Variants in ABLIM1 observed in about 807,000 individuals in gnomAD.
ABLIM1 encodes the protein actin binding LIM protein 1, also known as actin-binding LIM protein 1.
Under a neutral mutation model 107.0 loss-of-function variants are expected in ABLIM1, and 40 were observed. The observed-to-expected ratio is 0.37, with a 90% confidence interval of 0.29 to 0.49. The LOEUF is 0.49. Ranked by LOEUF, ABLIM1 falls within the 20% of genes least tolerant of loss-of-function variation. The pLI is 0.97. For synonymous variants in ABLIM1, 357 were observed against 357.3 expected (o/e 1.00, Z 0.01); for missense variants, 857 against 1,008.5 (o/e 0.85, Z 2.04).
chr10:114,711,907 G>A (rs1041299299), intron 1 of ABLIM1, among the ~76,000 whole-genome samples: 1 of 152,168 alleles, frequency 6.6e-6, no homozygotes, highest in Non-Finnish European at 1.5e-5. Context: ...TGAAGCAGAA[G>A]TCAAGGGAGC....
the ABLIM1 span, among the ~76,000 whole-genome samples, chr10:114,789,125 C>A: frequency 6.6e-6 from 1 of 151,460 alleles, no homozygotes; most frequent in Non-Finnish European, 1.5e-5. Flanking sequence ...AGTGATGGCA[C>A]GTGCCTGTAG....
At chr10:114,613,262 T>G (rs4752031) in intron 1 of ABLIM1, among the ~76,000 whole-genome samples, 13,117 of 152,268 alleles carry the variant, frequency 0.086, 712 homozygotes, top group Middle Eastern at 0.12. Context: ...TCGAAAATCT[T>G]GAGGGGGTTT....
chr10:114,599,639 T>C (rs1294043528), intron 2 of ABLIM1, among the ~76,000 whole-genome samples: 1 of 151,306 alleles, frequency 6.6e-6, no homozygotes, highest in Non-Finnish European at 1.5e-5. Flanking sequence ...ACACAAAAAT[T>C]AGCTGGGCAC....
At chr10:114,685,823 T>C (rs985476050), upstream of ABLIM1, among the ~76,000 whole-genome samples, 5 of 152,232 alleles carry the variant, frequency 3.3e-5, no homozygotes, top group African/African-American at 1.2e-4. Flanking sequence ...TGTTAGTGTC[T>C]TGGGATTTTT....
rs1254772110 is a variant in ABLIM1, at chr10:114,658,265, C to A, written c.-65G>T. ...GGACCCAAGGAGCGGTGCTGCCCCA[C>A]AATTCTCTCTGTTCCCCTGGCTCCT... On this transcript the variant is annotated 5_prime_UTR_variant, in exon 1 of 23. Coordinates refer to ENST00000533213, the MANE Select transcript of ABLIM1 (RefSeq NM_002313.7). 2.0e-6 allele frequency: 3 copies of A among 1,536,256 alleles called. No homozygotes were observed. Among genetic ancestry groups the A allele is most frequent in the Non-Finnish European group, 2.6e-6 (3 of 1,140,460 alleles).
At chr10:114,776,897 T>A in the ABLIM1 span, among the ~76,000 whole-genome samples, 1 of 152,194 alleles carries the variant, frequency 6.6e-6, no homozygotes. Flanking sequence ...GGATTACAGG[T>A]GTGAGCCATC....
rs572137335 is a variant in ABLIM1 at position 114,509,329 on chromosome 10, C to T, written c.895-17451G>A. On this transcript the variant is annotated intron_variant, in intron 6 of 22. Transcript: ENST00000533213. ...CTGGACCCTGGTCTTTGTGGCCATT[C>T]GTGTCTTCAAGCAGTCAGGGCTCAG... Among the ~76,000 whole-genome samples the T allele has an allele frequency of 1.4e-3, 215 of 152,228 alleles. 1 individual carries two copies. Among genetic ancestry groups the T allele is most frequent in the Non-Finnish European group, 2.6e-3 (175 of 68,012 alleles).
chr10:114,575,264 T>C, intron 3 of ABLIM1, 152 bp downstream of exon 3: 1 of 824,112 alleles, frequency 1.2e-6, no homozygotes, highest in Non-Finnish European at 1.9e-6. Context: ...TCTACTTTTT[T>C]TACTAGGACT....
intron 1 of ABLIM1, among the ~76,000 whole-genome samples, chr10:114,673,804 G>A (rs1048868639): frequency 7.2e-4 from 109 of 152,260 alleles, no homozygotes; most frequent in African/African-American, 2.5e-3. Flanking sequence ...ACACGATGAC[G>A]GGCTTCAGTA....
intron 1 of ABLIM1, among the ~76,000 whole-genome samples, chr10:114,718,283 A>G (rs1591879314): frequency 6.6e-6 from 1 of 152,116 alleles, no homozygotes; most frequent in East Asian, 1.9e-4. Context: ...AAAACTTCCA[A>G]ACTATCAGCA....
intron 6 of ABLIM1, chr10:114,526,835 G>C: frequency 1.0e-6 from 1 of 985,394 alleles, no homozygotes. Context: ...TCCGAAGCTC[G>C]GCTAAGGCAA....
rs878962372 is a variant in ABLIM1 at position 114,631,973 on chromosome 10, G to C, written c.244+25984C>G. 58 of 1,302,504 alleles carry C rather than the reference G, an allele frequency of 4.5e-5. 1 individual carries two copies. In the South Asian group the frequency reaches 6.6e-4, roughly 15 times the overall value. 80.7% of individuals were successfully genotyped at this position (1,302,504 alleles called of 1,614,324 possible). A position where few individuals can be genotyped will look rare whatever the true frequency, so the allele number is the denominator to read the frequency against. On this transcript the variant is annotated intron_variant, in intron 1 of 22. Transcript: ENST00000533213. ...AAGAAGGAACGAGGAATAAACTCTGGGAGTGGAAGCGCGCCTCGGCAGACA... is the reference window on the plus strand; with the variant it reads ...AAGAAGGAACGAGGAATAAACTCTGCGAGTGGAAGCGCGCCTCGGCAGACA...
chr10:114,706,549 T>C (rs1439063627), intron 1 of ABLIM1, among the ~76,000 whole-genome samples: 1 of 152,218 alleles, frequency 6.6e-6, no homozygotes. Context: ...ACCAAATTTT[T>C]CCCTGGAGGC....
chr10:114,681,825 G>A lies in ABLIM1; in HGVS notation c.64+2465C>T, dbSNP rs556292857. 6.4e-4 allele frequency among the ~76,000 whole-genome samples: 97 copies of A among 152,236 alleles called. 2 individuals carry two copies. In the South Asian group the frequency reaches 0.018, roughly 28 times the overall value. ...ATGGAAATCCAGTGCCCAATTCTCC[G>A]AGCATGCTGCCTGCTCCCACTCCTG... On this transcript the variant is annotated intron_variant, in intron 1 of 23. Transcript: ENST00000369256.
rs2059222260 is a variant in ABLIM1, at chr10:114,434,923, G to A, written c.*1337C>T. 1 of 152,180 alleles carries A rather than the reference G, an allele frequency of 6.6e-6. No homozygotes were observed. Among genetic ancestry groups the A allele is most frequent in the African/African-American group, 2.4e-5 (1 of 41,426 alleles). The allele number at this position is 152,180 out of a possible 1,614,324, so 9.4% of individuals were successfully genotyped here. On this transcript the variant is annotated 3_prime_UTR_variant, in exon 23 of 23. Transcript: ENST00000533213. ...TACATCAGCGCCAACACCTTTCCAT[G>A]AAGGAAGTGATGTTGGGGTCGCAGT...
intron 12 of ABLIM1, among the ~76,000 whole-genome samples, chr10:114,464,553 A>G (rs2064731155): frequency 6.6e-6 from 1 of 152,220 alleles, no homozygotes; most frequent in Non-Finnish European, 1.5e-5. Flanking sequence ...CCTGGGCATG[A>G]ATAAAATGAA....
chr10:114,570,141 G>C (rs1013639741), intron 4 of ABLIM1, among the ~76,000 whole-genome samples: 5 of 152,152 alleles, frequency 3.3e-5, no homozygotes, highest in Admixed American at 6.5e-5. Flanking sequence ...CCCAAGGACT[G>C]GCAAAAGCCA....
chr10:114,512,710 A>G lies in ABLIM1; in HGVS notation c.895-20832T>C, dbSNP rs568441575. ...TGTGGTGGTGTGCACCCAGAATCCCAGCTACTCAGGAGGCTGAGGCAGGAG... is the reference window on the plus strand; with the variant it reads ...TGTGGTGGTGTGCACCCAGAATCCCGGCTACTCAGGAGGCTGAGGCAGGAG... On this transcript the variant is annotated intron_variant, in intron 6 of 22. Transcript: ENST00000533213. 2.6e-5 allele frequency among the ~76,000 whole-genome samples: 4 copies of G among 152,190 alleles called. No homozygotes were observed. In the East Asian group the frequency reaches 7.7e-4, roughly 29 times the overall value.
At chr10:114,621,984 G>A (rs568487288) in intron 1 of ABLIM1, among the ~76,000 whole-genome samples, 42 of 152,280 alleles carry the variant, frequency 2.8e-4, no homozygotes, top group South Asian at 2.1e-4. Context: ...CTGGGCTCTC[G>A]TCCTGCGGAC....
Sources: allele counts gnomAD v4.1 joint callset (sites outside exome capture counted in the v4.1 genomes callset), GRCh38; gene constraint gnomAD v4.1.1; transcripts MANE v1.5; gene names NCBI Gene and HGNC (gene_info 2026-07-23, HGNC 2026-07-21).